FUBP3: variants seen among roughly 807,000 people sequenced by gnomAD.
FUBP3 encodes far upstream element binding protein 3.
FUBP3 carries 28 observed loss-of-function variants against 85.6 expected under a neutral mutation model. The observed-to-expected ratio is 0.33, with a 90% confidence interval of 0.24 to 0.45. The LOEUF (loss-of-function observed/expected upper bound fraction) is 0.45, where lower values mean the gene tolerates loss of function less well. Ranked by LOEUF, FUBP3 falls within the 20% of genes least tolerant of loss-of-function variation. The pLI, the probability that FUBP3 is intolerant of heterozygous loss-of-function variation, is 1.00. For synonymous variants in FUBP3, 271 were observed against 271.4 expected (o/e 1.00, Z 0.01); for missense variants, 583 against 755.1 (o/e 0.77, Z 2.67).
At chr9:130,622,832 T>C in intron 10 of FUBP3, 22 bp downstream of exon 10, 1 of 1,174,070 alleles carries the variant, frequency 8.5e-7, no homozygotes, top group Non-Finnish European at 1.2e-6. Context: ...GATTTAAAAA[T>C]CCTTAGTGTT....
At chr9:130,604,537 A>G (rs778631073) in intron 2 of FUBP3, among the ~76,000 whole-genome samples, 14 of 152,206 alleles carry the variant, frequency 9.2e-5, no homozygotes, top group Non-Finnish European at 2.1e-4. Context: ...CATCTGTACA[A>G]TGGACCTGAT....
rs751215774 is a variant in FUBP3 at position 130,635,519 on chromosome 9, G to C, written c.1583-480G>C. Among the ~76,000 whole-genome samples the C allele has an allele frequency of 2.0e-5, 3 of 152,102 alleles. No homozygotes were observed. Among genetic ancestry groups the C allele is most frequent in the Non-Finnish European group, 4.4e-5 (3 of 68,016 alleles). On this transcript the variant is annotated intron_variant, in intron 17 of 18. Coordinates refer to ENST00000319725, the MANE Select transcript of FUBP3 (RefSeq NM_003934.2). This position sits in a 1 kb window ranked among gnomAD's most constrained non-coding sequence, Gnocchi z 4.3. ...GGCCCTTCTAGGGGTTGGAGGTGGG[G>C]GTGTTGAGTCATGGTCACCAGAGTG...
chr9:130,627,633 C>T (rs904397304), intron 12 of FUBP3, among the ~76,000 whole-genome samples: 4 of 152,168 alleles, frequency 2.6e-5, no homozygotes, highest in African/African-American at 4.8e-5. Flanking sequence ...GTTCATTTGC[C>T]GGCAGGTGTG....
intron 6 of FUBP3, 44 bp downstream of exon 6, chr9:130,614,389 T>C (rs765100555): frequency 1.6e-6 from 2 of 1,254,738 alleles, no homozygotes; most frequent in Non-Finnish European, 2.3e-6. Flanking sequence ...TTCTTCCTCC[T>C]TCCCCAAATG....
intron 2 of FUBP3, chr9:130,596,575 C>T (rs1032773509): frequency 4.9e-5 from 16 of 328,518 alleles, no homozygotes; most frequent in Middle Eastern, 3.9e-4. Context: ...AGTGCAGTGG[C>T]GCCGTTGAAC....
chr9:130,631,846 G>C, intron 14 of FUBP3, 96 bp from the exon 15 acceptor site: 1 of 963,728 alleles, frequency 1.0e-6, no homozygotes, highest in South Asian at 1.4e-5. Context: ...AGGGTCTTCT[G>C]TCCCGACTGC....
In FUBP3 at chr9:130,617,800, C is replaced by T. The variant is rs761470228; in HGVS notation, c.571C>T (p.Arg191Trp). The part of the protein sequence containing the change: ...GGETIKQLQE[R>W]TGVKMVMIQD... ...TGCTGGTGTGTGTTCCCCACAGGAG[C>T]GGACAGGGGTGAAGATGGTCATGAT... The change falls in exon 8 of 19, where the codon CGG becomes TGG. Residue 191 changes from arginine to tryptophan, a missense_variant. This residue lies in a region of FUBP3 where 404 missense variants were observed against 516.8 expected (regional missense o/e 0.78). Transcript: ENST00000319725. 8.2e-6 allele frequency: 13 copies of T among 1,581,864 alleles called. No homozygotes were observed. Among genetic ancestry groups the T allele is most frequent in the Middle Eastern group, 1.7e-4 (1 of 6,030 alleles).
chr9:130,632,765 G>A (rs1474251893), intron 16 of FUBP3, among the ~76,000 whole-genome samples: 1 of 152,180 alleles, frequency 6.6e-6, no homozygotes, highest in Non-Finnish European at 1.5e-5. Flanking sequence ...TCTGCATCCC[G>A]CCTCTCCAGG....
chr9:130,597,735 A>G (rs914779245), intron 2 of FUBP3, among the ~76,000 whole-genome samples: 1 of 152,252 alleles, frequency 6.6e-6, no homozygotes, highest in African/African-American at 2.4e-5. Flanking sequence ...GCTTGGAGAA[A>G]AAAACAATAT....
intron 2 of FUBP3, among the ~76,000 whole-genome samples, chr9:130,603,354 A>AAAAC (rs1297828352): frequency 9.2e-6 from 1 of 108,598 alleles, no homozygotes. Flanking sequence ...CTCCAAAAAA[A>AAAAC]AAAAAAAAAA....
At chr9:130,580,566 G>C (rs953721053) in intron 1 of FUBP3, 6 of 152,196 alleles carry the variant, frequency 3.9e-5, no homozygotes, top group African/African-American at 1.4e-4. Context: ...CCTCGGTTAA[G>C]TGTCTTATGT....
intron 18 of FUBP3, among the ~76,000 whole-genome samples, chr9:130,636,776 G>A (rs544634280): frequency 1.3e-5 from 2 of 152,312 alleles, no homozygotes; most frequent in East Asian, 1.9e-4. Flanking sequence ...CAAATTGGCC[G>A]TCTGGGTCTG....
chr9:130,622,346 T>C (rs1257876137), intron 9 of FUBP3, among the ~76,000 whole-genome samples: 1 of 132,758 alleles, frequency 7.5e-6, no homozygotes, highest in African/African-American at 2.9e-5. Flanking sequence ...AAAAAAAGTG[T>C]CCTGGCCAGA....
intron 1 of FUBP3, among the ~76,000 whole-genome samples, chr9:130,582,760 TAGA>T (rs1830187201): frequency 6.6e-6 from 1 of 152,230 alleles, no homozygotes; most frequent in African/African-American, 2.4e-5. Context: ...TAAATGTTCC[TAGA>T]AGGTCTACCA....
intron 1 of FUBP3, among the ~76,000 whole-genome samples, chr9:130,589,663 A>ATGTG (rs1457578376): frequency 4.1e-5 from 3 of 73,568 alleles, no homozygotes; most frequent in African/African-American, 1.6e-4. Context: ...TTAAATATGT[A>ATGTG]TGTATGTGTG....
intron 7 of FUBP3, 67 bp from the exon 8 acceptor site, chr9:130,617,730 T>G: frequency 9.8e-7 from 1 of 1,018,238 alleles, no homozygotes; most frequent in Non-Finnish European, 1.6e-6. Context: ...TGGGTCCGAT[T>G]TTGTGCTGCC....
intron 2 of FUBP3, among the ~76,000 whole-genome samples, chr9:130,606,797 G>A: frequency 6.6e-6 from 1 of 151,796 alleles, no homozygotes; most frequent in Non-Finnish European, 1.5e-5. Flanking sequence ...TCCAGCCTGG[G>A]CAAGAAGAGC....
At chr9:130,594,519 G>T (rs926728043) in intron 1 of FUBP3, among the ~76,000 whole-genome samples, 1 of 151,960 alleles carries the variant, frequency 6.6e-6, no homozygotes, top group African/African-American at 2.4e-5. Context: ...GGAGGCAGAG[G>T]TTACAGTGAG....
At chr9:130,606,502 G>T (rs917002526) in intron 2 of FUBP3, among the ~76,000 whole-genome samples, 1 of 152,126 alleles carries the variant, frequency 6.6e-6, no homozygotes, top group African/African-American at 2.4e-5. Context: ...TCCTTGTGCT[G>T]GGGTGGGAGT....
Sources: gnomAD v4.1 joint callset for allele counts (sites outside exome capture counted in the v4.1 genomes callset) on GRCh38, gnomAD v4.1.1 for gene constraint, gnomAD v4.1.1 regional missense constraint, Gnocchi (gnomAD v3.1) non-coding constraint, MANE v1.5 for transcripts, NCBI Gene and HGNC (gene_info 2026-07-23, HGNC 2026-07-21) for gene names.